The following CC2D1A variants were observed in gnomAD, a reference collection of about 807,000 sequenced individuals.
The protein encoded by CC2D1A is coiled-coil and C2 domain containing 1A.
Under a neutral mutation model 123.8 loss-of-function variants are expected in CC2D1A, and 68 were observed. That is an observed-to-expected ratio of 0.55 (90% CI 0.45 to 0.67). The LOEUF is 0.67. Ranked by LOEUF, CC2D1A falls within the 30% of genes least tolerant of loss-of-function variation. CC2D1A has a pLI of 0.00. For missense variants in CC2D1A, 1,185 were observed against 1,290.3 expected, an observed-to-expected ratio of 0.92 and a Z score of 1.25; for synonymous variants, 477 against 528.0, an observed-to-expected ratio of 0.90 and a Z score of 1.32.
At chr19:13,921,937 C>T (rs1158316983) in intron 14 of CC2D1A, among the ~76,000 whole-genome samples, 4 of 152,186 alleles carry the variant, frequency 2.6e-5, no homozygotes, top group Non-Finnish European at 5.9e-5. Context: ...CACCTTATCA[C>T]GGCCCATGAA....
chr19:13,929,167 C>T (rs1466283373), intron 24 of CC2D1A, among the ~76,000 whole-genome samples: 1 of 151,652 alleles, frequency 6.6e-6, no homozygotes, highest in East Asian at 1.9e-4. Context: ...CCATGCCCAG[C>T]TAATTTTTTT....
chr19:13,928,160 C>T lies in CC2D1A; in HGVS notation c.2491C>T (p.Pro831Ser), dbSNP rs533904112. ...AGPKGKAPPV[P>S]APARESGNRS... is the part of the protein sequence containing the mutation. ...GCCCAAAGGGAAGGCCCCTCCTGTG[C>T]CTGCCCCTGCAAGGGAGTCAGGGAA... The change falls in exon 24 of 29, where the codon CCT (proline) becomes TCT (serine). Residue 831 changes from proline (P) to serine (S), a missense_variant. Pro to Ser is a moderately conservative substitution (Grantham distance 74). Coordinates refer to ENST00000318003, the MANE Select transcript of CC2D1A (RefSeq NM_017721.5). 6.2e-7 allele frequency: 1 copy of T among 1,613,530 alleles called. No homozygotes were observed. The highest frequency in any genetic ancestry group is 8.5e-7 in the Non-Finnish European group (1 of 1,179,932).
chr19:13,907,601 G>A (rs1396076861), intron 1 of CC2D1A, among the ~76,000 whole-genome samples: 1 of 152,052 alleles, frequency 6.6e-6, no homozygotes, highest in Non-Finnish European at 1.5e-5. Context: ...TGAACCGAGA[G>A]GCGGAGGTTG....
intron 6 of CC2D1A, among the ~76,000 whole-genome samples, chr19:13,917,014 C>G (rs1971229676): frequency 6.6e-6 from 1 of 152,188 alleles, no homozygotes; most frequent in Non-Finnish European, 1.5e-5. Context: ...TGCAAACACA[C>G]TGCATAAATA....
rs773875673 is a variant in CC2D1A, at chr19:13,918,492, T to G, written c.874-12T>G. The G allele has an allele frequency of 1.2e-6, 2 of 1,612,864 alleles. No homozygotes were observed. The highest frequency in any genetic ancestry group is 1.7e-6 in the Non-Finnish European group (2 of 1,179,388). ...TGCACCTCTTCTTCTAATCTCCTCT[T>G]CCTTCTCCCAGAGCTTTGATGCTGT... On this transcript the variant is annotated splice_polypyrimidine_tract_variant and intron_variant, in intron 7 of 28. Transcript: ENST00000318003.
Position 13,926,997 on chromosome 19 carries a change from ACT to A in CC2D1A, c.2148_2149del (p.Cys717HisfsTer31). ...CTGCAGAGTTCAAGGAGCAGTTCAA[ACT>A]CTGCATCAACCGCAGCCACCGTGGC... ...DSPEFKEQFK[L>X]CINRSHRGFR... On this transcript the variant is annotated frameshift_variant, in exon 21 of 29. Transcript: ENST00000318003. LOFTEE classifies it high-confidence loss of function. 1 of 1,613,816 alleles carries A rather than the reference ACT, an allele frequency of 6.2e-7. No individual in the cohort carries two copies. The highest frequency in any genetic ancestry group is 1.1e-5 in the South Asian group (1 of 91,052).
Position 13,912,369 on chromosome 19 carries a change from G to T in CC2D1A, c.243G>T (p.Met81Ile), listed in dbSNP as rs754426299. The change falls in exon 3 of 29, where the codon ATG becomes ATT. Residue 81 changes from methionine (M) to isoleucine (I), a missense_variant. Coordinates refer to ENST00000318003, the MANE Select transcript of CC2D1A (RefSeq NM_017721.5). ...TTGAGAAGATGGCCAGCCTGTGCAT[G>T]AGAGACCCGGATGAGGATGAGGAGG... Reference protein sequence around the residue: ...EAIEKMASLCMRDPDEDEEEG... With the variant: ...EAIEKMASLCIRDPDEDEEEG... 8 of 1,613,176 alleles carry T rather than the reference G, an allele frequency of 5.0e-6. No homozygotes were observed. The highest frequency in any genetic ancestry group is 5.9e-6 in the Non-Finnish European group (7 of 1,179,656).
chr19:13,913,028 TG>T, intron 4 of CC2D1A, 139 bp from the exon 5 acceptor site: 1 of 855,388 alleles, frequency 1.2e-6, no homozygotes, highest in Non-Finnish European at 1.8e-6. Context: ...CACTGGGAAA[TG>T]GGGACCATGA....
intron 22 of CC2D1A, 118 bp downstream of exon 22, chr19:13,927,383 T>A: frequency 1.3e-6 from 1 of 776,700 alleles, no homozygotes; most frequent in Non-Finnish European, 2.2e-6. Context: ...GCCCCTCCCC[T>A]CAGAGCCTCA....
At position 13,927,279 on chromosome 19, in the gene CC2D1A, A is replaced by T; in HGVS notation, c.2316+14A>T. On this transcript the variant is annotated intron_variant, in intron 22 of 28. Coordinates refer to ENST00000318003, the MANE Select transcript of CC2D1A (RefSeq NM_017721.5). ...GAGATCCTTGAGGTGAGAGGTGGAC[A>T]TTCATCCGCGTGCTCCGGTATGGCC... The T allele has an allele frequency of 1.2e-6, 2 of 1,603,320 alleles. No individual in the cohort carries two copies. Among genetic ancestry groups the T allele is most frequent in the Non-Finnish European group, 1.7e-6 (2 of 1,170,244 alleles).
At chr19:13,919,248 G>T (rs373854689) in intron 11 of CC2D1A, 46 bp downstream of exon 11, 1 of 1,383,024 alleles carries the variant, frequency 7.2e-7, no homozygotes, top group Non-Finnish European at 9.7e-7. Context: ...CCCCGCCCCC[G>T]TAGGCCCCGC....
At chr19:13,911,085 G>A (rs932964572) in intron 2 of CC2D1A, among the ~76,000 whole-genome samples, 2 of 151,966 alleles carry the variant, frequency 1.3e-5, no homozygotes, top group African/African-American at 2.4e-5. Context: ...CCAGAGCTGG[G>A]TGTGGTGGTG....
intron 17 of CC2D1A, among the ~76,000 whole-genome samples, chr19:13,926,180 A>T (rs2145364897): frequency 6.6e-6 from 1 of 150,872 alleles, no homozygotes; most frequent in East Asian, 1.9e-4. Flanking sequence ...TGAAGGAAAG[A>T]TCTCCCAGCA....
chr19:13,910,025 G>T, intron 2 of CC2D1A, 67 bp downstream of exon 2: 2 of 1,428,706 alleles, frequency 1.4e-6, no homozygotes. Context: ...CGCAGAACTG[G>T]GGGCACTGGG....
intron 1 of CC2D1A, among the ~76,000 whole-genome samples, chr19:13,907,413 A>C (rs939125908): frequency 5.3e-5 from 8 of 152,118 alleles, no homozygotes; most frequent in Non-Finnish European, 7.4e-5. Flanking sequence ...CTCTTTCTCT[A>C]AAATAAAGAT....
At chr19:13,910,625 T>C (rs538148001) in intron 2 of CC2D1A, among the ~76,000 whole-genome samples, 2 of 151,866 alleles carry the variant, frequency 1.3e-5, no homozygotes, top group South Asian at 2.1e-4. Flanking sequence ...AATAAGCTCA[T>C]GTCAGCCAGG....
intron 1 of CC2D1A, among the ~76,000 whole-genome samples, chr19:13,909,513 G>A (rs904285722): frequency 4.6e-5 from 7 of 152,032 alleles, no homozygotes; most frequent in African/African-American, 1.4e-4. Flanking sequence ...GATGACAGGC[G>A]TGAGCCACTG....
chr19:13,912,745 C>A, intron 4 of CC2D1A, 152 bp downstream of exon 4: 1 of 768,078 alleles, frequency 1.3e-6, no homozygotes, highest in Non-Finnish European at 2.1e-6. Flanking sequence ...CTCTGCCTCC[C>A]AGGTTCAAGG....
rs1424454063 is a variant in CC2D1A at position 13,928,175 on chromosome 19, G to A, written c.2506G>A (p.Glu836Lys). 6.2e-7 allele frequency: 1 copy of A among 1,613,528 alleles called. No individual in the cohort carries two copies. Among genetic ancestry groups the A allele is most frequent in the South Asian group, 1.1e-5 (1 of 91,068 alleles). ...CCCTCCTGTGCCTGCCCCTGCAAGGGAGTCAGGGAACAGGTAGGTATCTGG... is the reference window on the plus strand; with the variant it reads ...CCCTCCTGTGCCTGCCCCTGCAAGGAAGTCAGGGAACAGGTAGGTATCTGG... ...KAPPVPAPAR[E>K]SGNRSARPLH... The change falls in exon 24 of 29, where the codon GAG (glutamate) becomes AAG (lysine). Residue 836 changes from glutamate (E) to lysine (K), a missense_variant. By Grantham distance (56) the Glu-to-Lys change is moderately conservative. Coordinates refer to ENST00000318003, the MANE Select transcript of CC2D1A (RefSeq NM_017721.5).
Sources: gnomAD v4.1 joint callset for allele counts (sites outside exome capture counted in the v4.1 genomes callset) on GRCh38, gnomAD v4.1.1 for gene constraint, MANE v1.5 for transcripts, NCBI Gene and HGNC (gene_info 2026-07-23, HGNC 2026-07-21) for gene names.